The following CAMK2B variants were observed in gnomAD, a reference collection of about 807,000 sequenced individuals.
The protein encoded by CAMK2B is calcium/calmodulin-dependent protein kinase type II subunit beta.
A neutral mutation model predicts 93.7 loss-of-function variants in CAMK2B; 27 were observed. That is an observed-to-expected ratio of 0.29 (90% CI 0.21 to 0.40). The LOEUF (loss-of-function observed/expected upper bound fraction) is 0.40, where lower values mean the gene tolerates loss of function less well. CAMK2B is among the 10% of genes least tolerant of loss of function. The probability of loss-of-function intolerance (pLI) is 1.00; values close to 1 mark genes in which losing one functional copy is unlikely to be tolerated. For missense variants in CAMK2B, 568 were observed against 895.8 expected (o/e 0.63, Z 4.67); for synonymous variants, 374 against 358.8 (o/e 1.04, Z -0.48).
intron 2 of CAMK2B, among the ~76,000 whole-genome samples, chr7:44,272,772 G>A (rs2129060726): frequency 6.6e-6 from 1 of 152,358 alleles, no homozygotes; most frequent in African/African-American, 2.4e-5. Flanking sequence ...ACACACTGGG[G>A]GGTCCACAGC....
chr7:44,273,858 G>A (rs893215519), intron 2 of CAMK2B, among the ~76,000 whole-genome samples: 2 of 152,194 alleles, frequency 1.3e-5, no homozygotes, highest in African/African-American at 4.8e-5. Context: ...CAGATGCCTG[G>A]GGACCCAACC....
chr7:44,231,896 C>T (rs2096583033), intron 16 of CAMK2B, among the ~76,000 whole-genome samples: 1 of 152,242 alleles, frequency 6.6e-6, no homozygotes, highest in Non-Finnish European at 1.5e-5. Context: ...GGTCTGGACA[C>T]TGCCTGGACA....
At chr7:44,244,585 C>A (rs1445998207) in intron 6 of CAMK2B, among the ~76,000 whole-genome samples, 1 of 152,030 alleles carries the variant, frequency 6.6e-6, no homozygotes, top group African/African-American at 2.4e-5. Flanking sequence ...GATGCACTAC[C>A]CTCGGGATCA....
chr7:44,234,540 A>G (rs1583965784), intron 14 of CAMK2B, 79 bp from the exon 15 acceptor site: 1 of 1,589,842 alleles, frequency 6.3e-7, no homozygotes, highest in East Asian at 2.2e-5. Context: ...CTCTCAGGGC[A>G]TGGGGGGAGG....
At chr7:44,303,203 A>G (rs1790567360) in intron 1 of CAMK2B, among the ~76,000 whole-genome samples, 1 of 152,196 alleles carries the variant, frequency 6.6e-6, no homozygotes, top group Non-Finnish European at 1.5e-5. Context: ...CAAAATATGT[A>G]CAAGATCTAT....
intron 2 of CAMK2B, among the ~76,000 whole-genome samples, chr7:44,274,897 T>C (rs1007916697): frequency 2.6e-5 from 4 of 152,130 alleles, no homozygotes; most frequent in African/African-American, 9.7e-5. Flanking sequence ...TCCCACCAGA[T>C]GTGGGAACTG....
At chr7:44,263,208 C>G in intron 2 of CAMK2B, 144 bp from the exon 3 acceptor site, 1 of 681,680 alleles carries the variant, frequency 1.5e-6, no homozygotes, top group Non-Finnish European at 2.4e-6. Context: ...GAACACCCTT[C>G]GTGGCACCCC....
At chr7:44,314,483 A>G (rs948816762) in intron 1 of CAMK2B, among the ~76,000 whole-genome samples, 1 of 152,228 alleles carries the variant, frequency 6.6e-6, no homozygotes, top group African/African-American at 2.4e-5. Context: ...TTATGCCTGA[A>G]TAATATTCCA....
intron 15 of CAMK2B, among the ~76,000 whole-genome samples, 173 bp from the exon 16 acceptor site, chr7:44,233,039 TG>T (rs2096594381): frequency 6.6e-6 from 1 of 151,578 alleles, no homozygotes; most frequent in African/African-American, 2.4e-5. Flanking sequence ...GTGGAGCAGC[TG>T]GGGGAGGAGC....
At chr7:44,280,834 A>G (rs1440786189) in intron 2 of CAMK2B, among the ~76,000 whole-genome samples, 3 of 152,186 alleles carry the variant, frequency 2.0e-5, no homozygotes, top group Non-Finnish European at 4.4e-5. Context: ...GCGCAACTCC[A>G]CTTTCAGGCT....
chr7:44,236,181 TG>T (rs1360267166), intron 13 of CAMK2B, among the ~76,000 whole-genome samples: 1 of 152,254 alleles, frequency 6.6e-6, no homozygotes, highest in African/African-American at 2.4e-5. Context: ...TAGACAGGCC[TG>T]GGCCTGCTGC....
chr7:44,242,368 G>A, intron 9 of CAMK2B, 28 bp from the exon 10 acceptor site: 1 of 1,603,712 alleles, frequency 6.2e-7, no homozygotes, highest in African/African-American at 1.3e-5. Flanking sequence ...GCCCCGGCCG[G>A]GCCTGAAGCT....
intron 1 of CAMK2B, among the ~76,000 whole-genome samples, chr7:44,287,625 C>T (rs921902998): frequency 2.6e-5 from 4 of 152,222 alleles, no homozygotes; most frequent in African/African-American, 9.6e-5. Context: ...AGCAAAGAAG[C>T]CAGCACCATC....
intron 20 of CAMK2B, among the ~76,000 whole-genome samples, chr7:44,222,113 TCACCTATA>T (rs2096415626): frequency 6.6e-6 from 1 of 152,080 alleles, no homozygotes; most frequent in Non-Finnish European, 1.5e-5. Flanking sequence ...ACACGCACGC[TCACCTATA>T]CACACGAGTA....
chr7:44,276,729 G>A (rs1226102007), intron 2 of CAMK2B, among the ~76,000 whole-genome samples: 1 of 152,196 alleles, frequency 6.6e-6, no homozygotes, highest in African/African-American at 2.4e-5. Flanking sequence ...CCTGGGAGGT[G>A]AGCCCCACTT....
In CAMK2B at chr7:44,226,568, C is replaced by G; in HGVS notation, c.1545G>C (p.Val515=). 6.8e-7 allele frequency: 1 copy of G among 1,475,786 alleles called. No individual in the cohort carries two copies. Among genetic ancestry groups the G allele is most frequent in the Non-Finnish European group, 8.9e-7 (1 of 1,121,344 alleles). 91.4% of individuals were successfully genotyped at this position (1,475,786 alleles called of 1,614,324 possible). Residue 515 remains valine, a synonymous_variant, in exon 20 of 24, where the codon GTG becomes GTC. Coordinates refer to ENST00000395749, the MANE Select transcript of CAMK2B (RefSeq NM_001220.5). ...TCGGAGATGGGCAGGGCGGGGGCCC[C>G]ACTGGCGAGGGGCCCTCGGCTTCTG... ...GTPEAEGPSP[V]GPPPCPSPTI...
chr7:44,272,434 A>C (rs2096983916), intron 2 of CAMK2B, among the ~76,000 whole-genome samples: 1 of 152,160 alleles, frequency 6.6e-6, no homozygotes, highest in African/African-American at 2.4e-5. Flanking sequence ...CCCTGTGATG[A>C]AGATGCAAGA....
intron 6 of CAMK2B, 134 bp downstream of exon 6, chr7:44,246,986 G>T: frequency 2.9e-6 from 2 of 677,990 alleles, no homozygotes; most frequent in South Asian, 1.8e-5. Flanking sequence ...ATGCACACAA[G>T]GACACACACA....
chr7:44,266,561 A>G (rs1199096445), intron 2 of CAMK2B, among the ~76,000 whole-genome samples: 3 of 152,192 alleles, frequency 2.0e-5, no homozygotes, highest in Non-Finnish European at 4.4e-5. Context: ...TGCCAGCCTC[A>G]TTCTGGGGGG....
Sources: allele counts gnomAD v4.1 joint callset (sites outside exome capture counted in the v4.1 genomes callset), GRCh38; gene constraint gnomAD v4.1.1; transcripts MANE v1.5; gene names NCBI Gene and HGNC (gene_info 2026-07-23, HGNC 2026-07-21).